Variants in PRNP observed in about 807,000 individuals in gnomAD.
PRNP encodes the protein major prion protein.
Under a neutral mutation model 21.3 loss-of-function variants are expected in PRNP, and 15 were observed. The ratio of observed to expected loss-of-function variants is 0.71; its 90% CI spans 0.47 to 1.09. The LOEUF (loss-of-function observed/expected upper bound fraction) is 1.09, where lower values mean the gene tolerates loss of function less well. Ranked by LOEUF, PRNP falls within the 50% of genes least tolerant of loss-of-function variation. The pLI is 0.00. For synonymous variants in PRNP, 121 were observed against 123.1 expected, an observed-to-expected ratio of 0.98 and a Z score of 0.11; for missense variants, 285 against 340.9, an observed-to-expected ratio of 0.84 and a Z score of 1.29.
chr20:4,691,180 C>T (rs1921804233), intron 1 of PRNP, among the ~76,000 whole-genome samples: 1 of 152,122 alleles, frequency 6.6e-6, no homozygotes, highest in Non-Finnish European at 1.5e-5. Context: ...AGAAAGATAG[C>T]CTGTGCTCAT....
In PRNP at chr20:4,700,642, A is replaced by G. The variant is rs1281852309; in HGVS notation, c.*660A>G. ...TTGTCACAACACTGAACCTCTGGCT[A>G]GAGGACATATTCACAGTGAACATAA... On this transcript the variant is annotated 3_prime_UTR_variant, in exon 2 of 2. Transcript: ENST00000379440. The surrounding 1 kb of genome is among the most constrained non-coding windows in gnomAD (Gnocchi z 4.1). 1.1e-5 allele frequency: 2 copies of G among 190,142 alleles called. No homozygotes were observed. The highest frequency in any genetic ancestry group is 1.5e-4 in the East Asian group (1 of 6,810). The allele number at this position is 190,142 out of a possible 1,614,324, so 11.8% of individuals were successfully genotyped here.
intron 1 of PRNP, among the ~76,000 whole-genome samples, chr20:4,698,301 A>C (rs2122224237): frequency 6.6e-6 from 1 of 152,352 alleles, no homozygotes; most frequent in African/African-American, 2.4e-5. Flanking sequence ...AGAAACATAA[A>C]CAGGATGTTA....
At position 4,699,448 on chromosome 20, in the gene PRNP, C is replaced by T. The variant is rs112637437; in HGVS notation, c.228C>T (p.Pro76=). The T allele has an allele frequency of 1.2e-4, 196 of 1,608,980 alleles. 2 individuals carry two copies. Among genetic ancestry groups the T allele is most frequent in the South Asian group, 7.2e-4 (65 of 90,486 alleles). The change falls in exon 2 of 2, where the codon CCC becomes CCT. Residue 76 remains proline (P), a synonymous_variant. Transcript: ENST00000379440. This position sits in a 1 kb window ranked among gnomAD's most constrained non-coding sequence, Gnocchi z 5.8. ...CTCATGGTGGTGGCTGGGGGCAGCC[C>T]CATGGTGGTGGCTGGGGACAGCCTC... ...GQPHGGGWGQ[P]HGGGWGQPHG... is the part of the protein sequence containing the mutation.
chr20:4,698,533 G>C (rs1601021206), intron 1 of PRNP, among the ~76,000 whole-genome samples: 1 of 152,010 alleles, frequency 6.6e-6, no homozygotes, highest in Admixed American at 6.6e-5. Context: ...CATGGTATAT[G>C]GTGAATTATA....
rs1921464721 is a variant in PRNP, at chr20:4,686,764, T to C, written c.-11+252T>C. 6.6e-6 allele frequency: 1 copy of C among 151,676 alleles called. No individual in the cohort carries two copies. The highest frequency in any genetic ancestry group is 1.5e-5 in the Non-Finnish European group (1 of 68,028). 9.4% of individuals were successfully genotyped at this position (151,676 alleles called of 1,614,324 possible). A position where few individuals can be genotyped will look rare whatever the true frequency, so the allele number is the denominator to read the frequency against. On this transcript the variant is annotated intron_variant, in intron 1 of 1. Coordinates refer to ENST00000379440, the MANE Select transcript of PRNP (RefSeq NM_000311.5). The surrounding 1 kb of genome is among the most constrained non-coding windows in gnomAD (Gnocchi z 6.7). ...TAGGAAAGCTCCCTTTACTGCGCGT[T>C]GGGGGGCTGGGGGAGCTGGCGGAGC...
chr20:4,696,041 C>T (rs745456433), intron 1 of PRNP, among the ~76,000 whole-genome samples: 17 of 152,140 alleles, frequency 1.1e-4, no homozygotes, highest in African/African-American at 7.2e-5. Flanking sequence ...GTCCAGTCTT[C>T]GTCACTGTGG....
At chr20:4,698,038 G>T (rs1922281493) in intron 1 of PRNP, among the ~76,000 whole-genome samples, 1 of 152,162 alleles carries the variant, frequency 6.6e-6, no homozygotes, top group Non-Finnish European at 1.5e-5. Flanking sequence ...TGACTGAGGG[G>T]ATGGTGCCCT....
intron 1 of PRNP, among the ~76,000 whole-genome samples, chr20:4,687,682 T>G (rs1931969): frequency 0.21 from 32,646 of 152,102 alleles, 3,863 homozygotes; most frequent in Middle Eastern, 0.29. Flanking sequence ...AGCCTCCAGA[T>G]TCTCACACAA....
At chr20:4,687,887 T>C (rs1921579599) in intron 1 of PRNP, among the ~76,000 whole-genome samples, 5 of 152,110 alleles carry the variant, frequency 3.3e-5, no homozygotes, top group Admixed American at 3.3e-4. Flanking sequence ...GAACAGGGAA[T>C]TGGATAAATA....
intron 1 of PRNP, among the ~76,000 whole-genome samples, chr20:4,694,636 TATTAA>T (rs1008160939): frequency 5.3e-5 from 8 of 152,188 alleles, no homozygotes; most frequent in Non-Finnish European, 7.4e-5. Context: ...GGGTTTTATT[TATTAA>T]ATTCGATTTT....
chr20:4,692,367 C>T (rs1409283643), intron 1 of PRNP, among the ~76,000 whole-genome samples: 4 of 152,160 alleles, frequency 2.6e-5, no homozygotes, highest in Non-Finnish European at 4.4e-5. Context: ...ATTTGAAAAA[C>T]TACCACCCTG....
chr20:4,697,521 C>T lies in PRNP; in HGVS notation c.-10-1690C>T, dbSNP rs1477750539. Among the ~76,000 whole-genome samples, 6 of 152,284 alleles carry T rather than the reference C, an allele frequency of 3.9e-5. No homozygotes were observed. The South Asian group carries it at 1.2e-3, about 32-fold the overall frequency. The stretch of plus-strand genomic sequence containing the variant: ...AGCCCCACTGAGCAAACTTTAGCCA[C>T]ATGAGTAGCTGGAAGAAAAGCCTTC... On this transcript the variant is annotated intron_variant, in intron 1 of 1. Transcript: ENST00000379440. The surrounding 1 kb of genome is among the most constrained non-coding windows in gnomAD (Gnocchi z 4.6).
Position 4,699,783 on chromosome 20 carries a change from C to G in PRNP, c.563C>G (p.Thr188Arg), listed in dbSNP as rs372878791. Reference sequence around the variant, plus strand: ...GTCAATATCACAATCAAGCAGCACACGGTCACCACAACCACCAAGGGGGAG... The same window carrying G: ...GTCAATATCACAATCAAGCAGCACAGGGTCACCACAACCACCAAGGGGGAG... ...DCVNITIKQH[T>R]VTTTTKGENF... Residue 188 changes from threonine to arginine, a missense_variant, in exon 2 of 2, where the codon ACG (threonine) becomes AGG (arginine). Transcript: ENST00000379440. This position sits in a 1 kb window ranked among gnomAD's most constrained non-coding sequence, Gnocchi z 5.8. The G allele has an allele frequency of 5.0e-6, 8 of 1,614,010 alleles. No homozygotes were observed. In the Admixed American group the frequency reaches 1.3e-4, roughly 27 times the overall value.
At position 4,701,145 on chromosome 20, in the gene PRNP, G is replaced by A. The variant is rs1261471144; in HGVS notation, c.*1163G>A. The A allele has an allele frequency of 6.0e-6, 1 of 166,344 alleles. No homozygotes were observed. Among genetic ancestry groups the A allele is most frequent in the African/African-American group, 2.4e-5 (1 of 41,456 alleles). The allele number at this position is 166,344 out of a possible 1,614,324, so 10.3% of individuals were successfully genotyped here. Reference sequence around the variant, plus strand: ...AAGTGGAAAAAGAAATTCTGTTAATGTTAATTAAAGTAAAATTATTCCCTG... The same window carrying A: ...AAGTGGAAAAAGAAATTCTGTTAATATTAATTAAAGTAAAATTATTCCCTG... On this transcript the variant is annotated 3_prime_UTR_variant, in exon 2 of 2. Coordinates refer to ENST00000379440, the MANE Select transcript of PRNP (RefSeq NM_000311.5). The surrounding 1 kb of genome is among the most constrained non-coding windows in gnomAD (Gnocchi z 4.2).
At chr20:4,698,895 T>G (rs1489784774) in intron 1 of PRNP, among the ~76,000 whole-genome samples, 1 of 152,226 alleles carries the variant, frequency 6.6e-6, no homozygotes, top group Non-Finnish European at 1.5e-5. Context: ...TCATTCTGGA[T>G]GTTTGATCTG....
At chr20:4,694,304 G>A (rs928291236) in intron 1 of PRNP, among the ~76,000 whole-genome samples, 3 of 149,916 alleles carry the variant, frequency 2.0e-5, no homozygotes, top group African/African-American at 4.9e-5. Flanking sequence ...AGTTTGAGGC[G>A]AGCCTGGGCA....
intron 1 of PRNP, among the ~76,000 whole-genome samples, chr20:4,698,861 C>G (rs1360393353): frequency 6.6e-6 from 1 of 152,160 alleles, no homozygotes; most frequent in Non-Finnish European, 1.5e-5. Flanking sequence ...GATGAATGTA[C>G]ATTCTCCAAA....
intron 1 of PRNP, among the ~76,000 whole-genome samples, chr20:4,687,874 T>C (rs778659780): frequency 2.0e-5 from 3 of 152,132 alleles, no homozygotes; most frequent in Non-Finnish European, 4.4e-5. Flanking sequence ...ATCAAAAACA[T>C]AGGAACAGGG....
chr20:4,687,176 GGGGGGCTGCA>G (rs1921506309), intron 1 of PRNP, among the ~76,000 whole-genome samples: 1 of 152,122 alleles, frequency 6.6e-6, no homozygotes, highest in South Asian at 2.1e-4. Flanking sequence ...GCTTCTCCGA[GGGGGGCTGCA>G]GCCTTGCGGC....
Sources: gnomAD v4.1 joint callset for allele counts (sites outside exome capture counted in the v4.1 genomes callset) on GRCh38, gnomAD v4.1.1 for gene constraint, Gnocchi (gnomAD v3.1) non-coding constraint, MANE v1.5 for transcripts, NCBI Gene and HGNC (gene_info 2026-07-23, HGNC 2026-07-21) for gene names.